The following UBL3 variants were observed in gnomAD, a reference collection of about 807,000 sequenced individuals.
UBL3 encodes ubiquitin-like protein 3.
A neutral mutation model predicts 18.4 loss-of-function variants in UBL3; 6 were observed. That is an observed-to-expected ratio of 0.33 (90% CI 0.18 to 0.64). The LOEUF is 0.64. UBL3 is among the 30% of genes least tolerant of loss of function. The pLI, the probability that UBL3 is intolerant of heterozygous loss-of-function variation, is 0.76. For synonymous variants in UBL3, 49 were observed against 46.6 expected (o/e 1.05, Z -0.21); for missense variants, 109 against 142.9 (o/e 0.76, Z 1.21).
At chr13:29,780,247 G>C (rs1000233725) in intron 1 of UBL3, among the ~76,000 whole-genome samples, 3 of 150,034 alleles carry the variant, frequency 2.0e-5, no homozygotes, top group Admixed American at 1.3e-4. Context: ...CCAGCTACTC[G>C]GGAGGCTGAG....
chr13:29,836,940 A>G (rs1878974838), intron 1 of UBL3, among the ~76,000 whole-genome samples: 1 of 152,232 alleles, frequency 6.6e-6, no homozygotes, highest in African/African-American at 2.4e-5. Flanking sequence ...AGGAAGAGGT[A>G]TCTTGGTAAA....
intron 1 of UBL3, among the ~76,000 whole-genome samples, chr13:29,815,056 A>G (rs1053489998): frequency 6.6e-6 from 1 of 152,116 alleles, no homozygotes; most frequent in African/African-American, 2.4e-5. Context: ...TAAGATTATT[A>G]TTACTGTGTT....
At position 29,773,771 on chromosome 13, in the gene UBL3, A is replaced by T. The variant is rs369805681; in HGVS notation, c.137-1573T>A. ...CAGGTGTTATTAACATATCCTAAGTATAACAAGATTTTTTTGAACCTTTGA... is the reference window on the plus strand; with the variant it reads ...CAGGTGTTATTAACATATCCTAAGTTTAACAAGATTTTTTTGAACCTTTGA... On this transcript the variant is annotated intron_variant, in intron 2 of 4. Coordinates refer to ENST00000380680, the MANE Select transcript of UBL3 (RefSeq NM_007106.4). Among the ~76,000 whole-genome samples the T allele has an allele frequency of 3.3e-5, 5 of 152,156 alleles. No individual in the cohort carries two copies. In the East Asian group the frequency reaches 7.7e-4, roughly 23 times the overall value.
chr13:29,841,669 G>A (rs1023059637), intron 1 of UBL3, among the ~76,000 whole-genome samples: 2 of 152,202 alleles, frequency 1.3e-5, no homozygotes, highest in Non-Finnish European at 2.9e-5. Context: ...TAATGTGCCT[G>A]AGGGATTCAG....
chr13:29,841,227 A>C (rs1566002569), intron 1 of UBL3, among the ~76,000 whole-genome samples: 1 of 151,588 alleles, frequency 6.6e-6, no homozygotes, highest in Non-Finnish European at 1.5e-5. Context: ...CTTAAGACCA[A>C]AAATGCTACT....
At chr13:29,814,009 A>C (rs770744038) in intron 1 of UBL3, among the ~76,000 whole-genome samples, 7 of 152,146 alleles carry the variant, frequency 4.6e-5, no homozygotes, top group Non-Finnish European at 1.0e-4. Flanking sequence ...AGAGTTACAA[A>C]AGAAGGAATG....
intron 2 of UBL3, among the ~76,000 whole-genome samples, chr13:29,775,819 T>C (rs1011604824): frequency 3.3e-5 from 5 of 152,254 alleles, no homozygotes; most frequent in Non-Finnish European, 7.4e-5. Flanking sequence ...TTTCACCATG[T>C]TGGCCAGGTT....
chr13:29,849,540 T>C lies in UBL3; in HGVS notation c.-2A>G, dbSNP rs371338108. 8 of 1,613,902 alleles carry C rather than the reference T, an allele frequency of 5.0e-6. No individual in the cohort carries two copies. The South Asian group carries it at 5.5e-5, about 11-fold the overall frequency. On this transcript the variant is annotated 5_prime_UTR_variant, in exon 1 of 5. Coordinates refer to ENST00000380680, the MANE Select transcript of UBL3 (RefSeq NM_007106.4). ...ATCCGCCGGGACATTACTGGACATCTTGCCGTTTGATATACACCCAGATGT... is the reference window on the plus strand; with the variant it reads ...ATCCGCCGGGACATTACTGGACATCCTGCCGTTTGATATACACCCAGATGT...
chr13:29,782,629 G>C (rs114361409), intron 1 of UBL3, among the ~76,000 whole-genome samples: 126 of 152,252 alleles, frequency 8.3e-4, no homozygotes, highest in African/African-American at 2.9e-3. Context: ...GAAAACATTT[G>C]AGTTTGTTAA....
intron 1 of UBL3, among the ~76,000 whole-genome samples, chr13:29,780,920 T>C (rs1011161618): frequency 1.3e-5 from 2 of 152,186 alleles, no homozygotes; most frequent in Admixed American, 6.5e-5. Context: ...ACGCCTGTAA[T>C]CCCAGCACTT....
intron 1 of UBL3, among the ~76,000 whole-genome samples, chr13:29,825,704 T>C (rs186484933): frequency 4.6e-5 from 7 of 152,342 alleles, no homozygotes; most frequent in Admixed American, 2.6e-4. Context: ...TCCTGCCCGA[T>C]TGCTCTGGCC....
At chr13:29,769,441 TCTC>T (rs1876777839) in intron 3 of UBL3, among the ~76,000 whole-genome samples, 1 of 152,034 alleles carries the variant, frequency 6.6e-6, no homozygotes, top group Admixed American at 6.6e-5. Flanking sequence ...GCTTCTGCTC[TCTC>T]CTATGACACA....
chr13:29,809,251 G>A (rs1385351069), intron 1 of UBL3, among the ~76,000 whole-genome samples: 2 of 152,126 alleles, frequency 1.3e-5, no homozygotes, highest in South Asian at 2.1e-4. Flanking sequence ...GAGGGAGCTT[G>A]AGAAAGGGAT....
At chr13:29,834,262 AC>A (rs1395783684) in intron 1 of UBL3, among the ~76,000 whole-genome samples, 3 of 152,132 alleles carry the variant, frequency 2.0e-5, no homozygotes, top group Non-Finnish European at 4.4e-5. Flanking sequence ...ATGATACCTA[AC>A]ATGAAAAATC....
At chr13:29,815,083 G>T (rs893471448) in intron 1 of UBL3, among the ~76,000 whole-genome samples, 1 of 152,118 alleles carries the variant, frequency 6.6e-6, no homozygotes, top group African/African-American at 2.4e-5. Context: ...CCAACTATTA[G>T]TTCCCATCCC....
At chr13:29,816,033 C>T (rs1156945425) in intron 1 of UBL3, among the ~76,000 whole-genome samples, 1 of 152,158 alleles carries the variant, frequency 6.6e-6, no homozygotes, top group Non-Finnish European at 1.5e-5. Context: ...CTATTTTCCA[C>T]TAAACTTCAG....
rs187185820 is a variant in UBL3, at chr13:29,790,860, G to A, written c.28-13597C>T. 3.9e-3 allele frequency among the ~76,000 whole-genome samples: 598 copies of A among 152,140 alleles called. 4 individuals are homozygous for A. The highest frequency in any genetic ancestry group is 5.0e-3 in the Admixed American group (77 of 15,272). On this transcript the variant is annotated intron_variant, in intron 1 of 4. Coordinates refer to ENST00000380680, the MANE Select transcript of UBL3 (RefSeq NM_007106.4). ...TCTTCCTTTTATAATCCAAATATGG[G>A]TTTTTCCAAGGTTCCCTCATCAGTC...
chr13:29,815,906 T>C (rs1054174940), intron 1 of UBL3, among the ~76,000 whole-genome samples: 5 of 152,188 alleles, frequency 3.3e-5, no homozygotes, highest in Non-Finnish European at 5.9e-5. Flanking sequence ...ATTTCTGATG[T>C]AGGTAAGTTT....
intron 1 of UBL3, among the ~76,000 whole-genome samples, chr13:29,798,150 G>A (rs117964980): frequency 0.06 from 9,146 of 151,670 alleles, 375 homozygotes; most frequent in Non-Finnish European, 0.096. Flanking sequence ...CTCAGCCTCC[G>A]GAGTAGCTAG....
Sources: allele counts gnomAD v4.1 joint callset (sites outside exome capture counted in the v4.1 genomes callset), GRCh38; gene constraint gnomAD v4.1.1; transcripts MANE v1.5; gene names NCBI Gene and HGNC (gene_info 2026-07-23, HGNC 2026-07-21).